Variants in RB1 observed in about 807,000 individuals in gnomAD.
RB1 encodes retinoblastoma-associated protein.
In RB1, 18 loss-of-function variants were observed where a neutral mutation model predicts 135.4. The observed-to-expected ratio is 0.13, with a 90% CI of 0.09 to 0.20. The LOEUF (loss-of-function observed/expected upper bound fraction) is 0.20. Ranked by LOEUF, RB1 falls within the 10% of genes least tolerant of loss-of-function variation. The pLI, the probability that RB1 is intolerant of heterozygous loss-of-function variation, is 1.00. For synonymous variants in RB1, 365 were observed against 373.2 expected (o/e 0.98, Z 0.25); for missense variants, 868 against 1,110.0 (o/e 0.78, Z 3.10).
At chr13:48,368,260 TCTGA>T (rs762220264) in intron 10 of RB1, among the ~76,000 whole-genome samples, 1 of 152,190 alleles carries the variant, frequency 6.6e-6, no homozygotes, top group Non-Finnish European at 1.5e-5. Flanking sequence ...GGAGAAAGCA[TCTGA>T]CTTTCACTTT....
At chr13:48,317,638 G>C in intron 2 of RB1, 1 of 501,114 alleles carries the variant, frequency 2.0e-6, no homozygotes, top group East Asian at 6.5e-5. Context: ...CCTGCTCGCT[G>C]AGAGCCCCTT....
chr13:48,304,071 C>A, intron 1 of RB1, 22 bp downstream of exon 1: 1 of 1,400,944 alleles, frequency 7.1e-7, no homozygotes, highest in South Asian at 1.6e-5. Context: ...GAGCCGCCGT[C>A]GCCTCACGCG....
At chr13:48,362,008 C>T (rs958864269) in intron 7 of RB1, among the ~76,000 whole-genome samples, 4 of 145,772 alleles carry the variant, frequency 2.7e-5, no homozygotes, top group East Asian at 4.0e-4. Flanking sequence ...AGTTCAGTGG[C>T]GCGATCTCAG....
chr13:48,343,098 C>T lies in RB1; in HGVS notation c.380+384C>T, dbSNP rs190497627. On this transcript the variant is annotated intron_variant, in intron 3 of 26. Transcript: ENST00000267163. Reference sequence around the variant, plus strand: ...GGTATTTAGGTAAGATTTATTAAAGCCTAAGATTGTTTTAACTAGAGGATA... The same window carrying T: ...GGTATTTAGGTAAGATTTATTAAAGTCTAAGATTGTTTTAACTAGAGGATA... Among the ~76,000 whole-genome samples the T allele has an allele frequency of 6.6e-5, 10 of 151,938 alleles. No individual in the cohort carries two copies. The East Asian group carries it at 1.7e-3, about 26-fold the overall frequency.
intron 2 of RB1, chr13:48,316,990 A>G (rs966489685): frequency 4.2e-6 from 2 of 479,978 alleles, no homozygotes; most frequent in African/African-American, 4.1e-5. Context: ...ACCCTTCGTC[A>G]ATACCTCAGG....
At chr13:48,320,428 C>A in intron 2 of RB1, 2 of 1,064,782 alleles carry the variant, frequency 1.9e-6, no homozygotes, top group South Asian at 1.3e-5. Context: ...AAAGGCCTCC[C>A]ATTTGGACTG....
At chr13:48,320,227 G>C in intron 2 of RB1, 2 of 1,067,956 alleles carry the variant, frequency 1.9e-6, no homozygotes, top group East Asian at 4.9e-5. Context: ...GTGCACGGTG[G>C]GCTTGGCAGC....
chr13:48,396,812 AC>A (rs1282441287), intron 17 of RB1, among the ~76,000 whole-genome samples: 1 of 152,144 alleles, frequency 6.6e-6, no homozygotes, highest in Non-Finnish European at 1.5e-5. Flanking sequence ...AAAACAAACA[AC>A]CCTATCAAAA....
At position 48,480,933 on chromosome 13, in the gene RB1, C is replaced by G. The variant is rs1170138155; in HGVS notation, c.*862C>G. The G allele has an allele frequency of 4.4e-6, 1 of 228,956 alleles. No homozygotes were observed. The highest frequency in any genetic ancestry group is 8.7e-6 in the Non-Finnish European group (1 of 115,246). The allele number at this position is 228,956 out of a possible 1,614,324, so 14.2% of individuals were successfully genotyped here. A position where few individuals can be genotyped will look rare whatever the true frequency, so the allele number is the denominator to read the frequency against. ...TGCCAGATCTTAGGTATAGAGGACC[C>G]TAACACAGTATATCCCAAGTGCACT... On this transcript the variant is annotated 3_prime_UTR_variant, in exon 27 of 27. Coordinates refer to ENST00000267163, the MANE Select transcript of RB1 (RefSeq NM_000321.3).
chr13:48,354,750 C>A (rs544334483), intron 6 of RB1, among the ~76,000 whole-genome samples: 17 of 152,080 alleles, frequency 1.1e-4, no homozygotes, highest in Admixed American at 2.6e-4. Context: ...GAACAGAGAG[C>A]CCAGAAACAA....
chr13:48,421,617 A>G (rs1949005951), intron 17 of RB1, among the ~76,000 whole-genome samples: 1 of 152,222 alleles, frequency 6.6e-6, no homozygotes, highest in Admixed American at 6.5e-5. Context: ...CGATCTATCC[A>G]TCTGACAAAG....
At chr13:48,304,874 C>A (rs144131853) in intron 1 of RB1, among the ~76,000 whole-genome samples, 3,599 of 151,958 alleles carry the variant, frequency 0.024, 150 homozygotes, top group East Asian at 0.14. Flanking sequence ...ATCTTGGTGT[C>A]CCCTCTTTTT....
intron 17 of RB1, among the ~76,000 whole-genome samples, chr13:48,446,910 T>C (rs1949291778): frequency 6.6e-6 from 1 of 152,126 alleles, no homozygotes; most frequent in African/African-American, 2.4e-5. Flanking sequence ...GTTTTGAGTG[T>C]GGAGGTGGGT....
chr13:48,351,864 G>A (rs1952551887), intron 6 of RB1, among the ~76,000 whole-genome samples: 4 of 151,952 alleles, frequency 2.6e-5, no homozygotes, highest in Admixed American at 2.6e-4. Flanking sequence ...ACTAGAGATG[G>A]GGTTTTACTA....
chr13:48,416,963 TG>T (rs965976627), intron 17 of RB1, among the ~76,000 whole-genome samples: 3 of 152,124 alleles, frequency 2.0e-5, no homozygotes, highest in Non-Finnish European at 4.4e-5. Flanking sequence ...ACAGAGCACC[TG>T]GGGGAAGGGT....
chr13:48,410,689 A>G (rs1452911479), intron 17 of RB1, among the ~76,000 whole-genome samples: 1 of 152,168 alleles, frequency 6.6e-6, no homozygotes, highest in African/African-American at 2.4e-5. Flanking sequence ...TTTGTGGCAT[A>G]TATCATTTTG....
chr13:48,457,812 C>T (rs573408779), intron 19 of RB1, among the ~76,000 whole-genome samples: 57 of 152,376 alleles, frequency 3.7e-4, no homozygotes, highest in African/African-American at 1.4e-3. Context: ...TCAGCCCTGA[C>T]TTTGCTCCGA....
rs537578047 is a variant in RB1, at chr13:48,319,393, C to T, written c.264+11987C>T. The T allele has an allele frequency of 5.5e-5, 23 of 420,040 alleles. No homozygotes were observed. In the East Asian group the frequency reaches 1.2e-3, roughly 22 times the overall value. 26.0% of individuals were successfully genotyped at this position (420,040 alleles called of 1,614,324 possible). A position where few individuals can be genotyped will look rare whatever the true frequency, so the allele number is the denominator to read the frequency against. The stretch of plus-strand genomic sequence containing the variant: ...ACCTGGATGGCCTCCTCAGTGCCGT[C>T]GTTGCTGCTGGAGTCTGACGCCTCG... On this transcript the variant is annotated intron_variant, in intron 2 of 26. Transcript: ENST00000267163. This position sits in a 1 kb window ranked among gnomAD's most constrained non-coding sequence, Gnocchi z 5.0.
intron 17 of RB1, among the ~76,000 whole-genome samples, chr13:48,405,659 C>T (rs1423813639): frequency 1.3e-5 from 2 of 152,188 alleles, no homozygotes; most frequent in South Asian, 4.1e-4. Flanking sequence ...ACTATCTACT[C>T]CTTGAGAAGA....
Sources: allele counts gnomAD v4.1 joint callset (sites outside exome capture counted in the v4.1 genomes callset), GRCh38; gene constraint gnomAD v4.1.1; non-coding constraint Gnocchi (gnomAD v3.1); transcripts MANE v1.5; gene names NCBI Gene and HGNC (gene_info 2026-07-23, HGNC 2026-07-21).